The following ABTB3 variants were observed in gnomAD, a reference collection of about 807,000 sequenced individuals.
ABTB3 encodes the protein ankyrin repeat- and BTB/POZ domain-containing protein 3.
the ABTB3 span, among the ~76,000 whole-genome samples, chr12:107,560,810 C>T: frequency 6.6e-6 from 1 of 152,296 alleles, no homozygotes; most frequent in East Asian, 1.9e-4. Context: ...TGCACGTGCA[C>T]TTGGCCAAGT....
chr12:107,397,721 TG>T, the ABTB3 span, among the ~76,000 whole-genome samples: 1 of 152,338 alleles, frequency 6.6e-6, no homozygotes, highest in Admixed American at 6.5e-5. Context: ...CTAATAATGT[TG>T]AAGTTTGTGT....
the ABTB3 span, among the ~76,000 whole-genome samples, chr12:107,597,449 G>A: frequency 6.6e-6 from 1 of 152,152 alleles, no homozygotes; most frequent in South Asian, 2.1e-4. Flanking sequence ...GAGCGTGCAC[G>A]ATACAGAGAG....
chr12:107,589,696 AT>A, the ABTB3 span, among the ~76,000 whole-genome samples: 1 of 152,248 alleles, frequency 6.6e-6, no homozygotes, highest in African/African-American at 2.4e-5. Context: ...GGCATGGACT[AT>A]TATAGAAGAA....
chr12:107,476,689 A>T, the ABTB3 span, among the ~76,000 whole-genome samples: 1 of 151,894 alleles, frequency 6.6e-6, no homozygotes, highest in Non-Finnish European at 1.5e-5. Context: ...TGGAGTCTCC[A>T]TGGAAATTAG....
At chr12:107,493,132 A>G in the ABTB3 span, among the ~76,000 whole-genome samples, 1 of 152,088 alleles carries the variant, frequency 6.6e-6, no homozygotes, top group African/African-American at 2.4e-5. Context: ...GGAGAAGAGT[A>G]AGTGAAAGCC....
At chr12:107,648,810 G>A in the ABTB3 span, among the ~76,000 whole-genome samples, 1 of 152,100 alleles carries the variant, frequency 6.6e-6, no homozygotes, top group Admixed American at 6.6e-5. Flanking sequence ...TTAAAGCCAT[G>A]CCACGTGTAC....
At chr12:107,559,867 T>C in the ABTB3 span, among the ~76,000 whole-genome samples, 1 of 151,644 alleles carries the variant, frequency 6.6e-6, no homozygotes, top group African/African-American at 2.4e-5. Context: ...TTTTTTTTAC[T>C]GAAAAGTTAT....
At chr12:107,509,188 C>T in the ABTB3 span, among the ~76,000 whole-genome samples, 102 of 152,206 alleles carry the variant, frequency 6.7e-4, 1 homozygote, top group Non-Finnish European at 2.9e-4. Flanking sequence ...GGGAAAGTTG[C>T]AATGATAATG....
chr12:107,430,548 C>T, the ABTB3 span, among the ~76,000 whole-genome samples: 2 of 152,150 alleles, frequency 1.3e-5, no homozygotes, highest in African/African-American at 4.8e-5. Flanking sequence ...ATTTGGGCCC[C>T]TTCTTTCTAA....
chr12:107,417,937 C>A, the ABTB3 span, among the ~76,000 whole-genome samples: 1 of 152,188 alleles, frequency 6.6e-6, no homozygotes, highest in Non-Finnish European at 1.5e-5. Flanking sequence ...AGTTTGGAGG[C>A]AATTCTAGAA....
At chr12:107,388,806 G>A in the ABTB3 span, among the ~76,000 whole-genome samples, 41 of 152,228 alleles carry the variant, frequency 2.7e-4, no homozygotes, top group African/African-American at 9.2e-4. Context: ...TGTCTTACAC[G>A]TAGGAAATGC....
the ABTB3 span, among the ~76,000 whole-genome samples, chr12:107,588,772 C>T: frequency 5.8e-4 from 88 of 152,340 alleles, 2 homozygotes; most frequent in African/African-American, 1.9e-3. Flanking sequence ...CCACACACCT[C>T]GGCCTCCCAA....
At chr12:107,431,231 T>C in the ABTB3 span, among the ~76,000 whole-genome samples, 4 of 152,224 alleles carry the variant, frequency 2.6e-5, no homozygotes, top group African/African-American at 9.6e-5. Context: ...AAAATACAAA[T>C]GAAAACACTA....
chr12:107,349,381 G>A, the ABTB3 span, among the ~76,000 whole-genome samples: 3 of 152,184 alleles, frequency 2.0e-5, no homozygotes, highest in African/African-American at 4.8e-5. Flanking sequence ...GATTCCAGAC[G>A]GGGAATGATG....
chr12:107,439,736 G>A, the ABTB3 span, among the ~76,000 whole-genome samples: 2 of 152,118 alleles, frequency 1.3e-5, no homozygotes, highest in Non-Finnish European at 2.9e-5. Context: ...ACATCTCAAT[G>A]AGTTTGGGGA....
chr12:107,544,122 C>CGT, the ABTB3 span: 1 of 1,613,994 alleles, frequency 6.2e-7, no homozygotes, highest in Non-Finnish European at 8.5e-7. Flanking sequence ...CTTCCAAAGT[C>CGT]AACCTCCAGG....
the ABTB3 span, among the ~76,000 whole-genome samples, chr12:107,588,146 A>C: frequency 6.6e-6 from 1 of 152,172 alleles, no homozygotes; most frequent in African/African-American, 2.4e-5. Context: ...AACTTGTTAT[A>C]AGGAAAGCAG....
chr12:107,553,485 C>T, the ABTB3 span, among the ~76,000 whole-genome samples: 1 of 152,144 alleles, frequency 6.6e-6, no homozygotes, highest in Non-Finnish European at 1.5e-5. Context: ...AAGGGAGCTA[C>T]ATGCTAAGGG....
the ABTB3 span, among the ~76,000 whole-genome samples, chr12:107,608,963 TAA>T: frequency 1.4e-5 from 1 of 74,000 alleles, no homozygotes; most frequent in African/African-American, 6.0e-5. Flanking sequence ...AAATATAAAA[TAA>T]AATATAAAAT....
Sources: gnomAD v4.1 joint callset for allele counts (sites outside exome capture counted in the v4.1 genomes callset) on GRCh38, gnomAD v4.1.1 for gene constraint, MANE v1.5 for transcripts, NCBI Gene and HGNC (gene_info 2026-07-23, HGNC 2026-07-21) for gene names.